SI: variants seen among roughly 807,000 people sequenced by gnomAD.
SI encodes the protein sucrase-isomaltase.
A neutral mutation model predicts 253.3 loss-of-function variants in SI; 235 were observed. The observed-to-expected ratio is 0.93, with a 90% CI of 0.83 to 1.03. SI has a LOEUF of 1.03. Ranked by LOEUF, SI falls within the 50% of genes least tolerant of loss-of-function variation. The pLI is 0.00. For synonymous variants in SI, 819 were observed against 712.0 expected (o/e 1.15, Z -2.39); for missense variants, 2,442 against 2,211.1 (o/e 1.10, Z -2.09).
chr3:164,989,605 A>G (rs889102713), intron 44 of SI, among the ~76,000 whole-genome samples: 1 of 152,078 alleles, frequency 6.6e-6, no homozygotes, highest in Admixed American at 6.6e-5. Context: ...TTCATGTACT[A>G]TAATGAGTCA....
chr3:165,031,741 GA>G (rs1370839756), intron 24 of SI, among the ~76,000 whole-genome samples: 2 of 150,716 alleles, frequency 1.3e-5, no homozygotes, highest in African/African-American at 4.8e-5. Flanking sequence ...TATAAATGGA[GA>G]AAAGATAAAT....
intron 10 of SI, 102 bp downstream of exon 10, chr3:165,059,800 T>C (rs950414785): frequency 7.9e-5 from 93 of 1,178,696 alleles, no homozygotes; most frequent in Middle Eastern, 2.2e-4. Flanking sequence ...AATTATATGA[T>C]ATAATGTATA....
intron 12 of SI, 73 bp downstream of exon 12, chr3:165,058,890 A>ACACT: frequency 8.0e-7 from 1 of 1,256,216 alleles, no homozygotes; most frequent in Non-Finnish European, 1.2e-6. Flanking sequence ...ACACACACGC[A>ACACT]CATCCACAGA....
Position 165,059,508 on chromosome 3 carries a change from A to C in SI, c.1147-209T>G, listed in dbSNP as rs939184893. Among the ~76,000 whole-genome samples the C allele has an allele frequency of 6.6e-5, 10 of 152,008 alleles. No homozygotes were observed. In the Admixed American group the frequency reaches 6.6e-4, roughly 10 times the overall value. On this transcript the variant is annotated intron_variant, in intron 10 of 47. Coordinates refer to ENST00000264382, the MANE Select transcript of SI (RefSeq NM_001041.4). The stretch of plus-strand genomic sequence containing the variant: ...GTACAAAAGCATTAAGTGATTATTC[A>C]TATTTGTCAGTGATAATGACTAGAA...
At chr3:165,086,557 T>C in the SI span, among the ~76,000 whole-genome samples, 3 of 152,196 alleles carry the variant, frequency 2.0e-5, no homozygotes, top group Admixed American at 2.0e-4. Flanking sequence ...AATGTCTAGA[T>C]TCTGCCTTCT....
At chr3:164,983,103 A>G (rs1159785823) in intron 45 of SI, 52 bp from the exon 46 acceptor site, 1 of 1,490,786 alleles carries the variant, frequency 6.7e-7, no homozygotes, top group Non-Finnish European at 9.2e-7. Context: ...AAGAAGAACC[A>G]TAGTAAATAC....
intron 33 of SI, among the ~76,000 whole-genome samples, chr3:165,014,666 A>C (rs970076216): frequency 2.0e-5 from 3 of 152,158 alleles, no homozygotes; most frequent in Admixed American, 6.5e-5. Flanking sequence ...GTAATATATT[A>C]ATATATCAGG....
At chr3:165,076,223 A>T (rs2108118506) in intron 1 of SI, among the ~76,000 whole-genome samples, 1 of 151,962 alleles carries the variant, frequency 6.6e-6, no homozygotes, top group Admixed American at 6.6e-5. Context: ...TATAAAATGT[A>T]AGCAACACAT....
chr3:165,017,981 C>A lies in SI; in HGVS notation c.3509G>T (p.Ser1170Ile). The A allele has an allele frequency of 6.2e-7, 1 of 1,607,786 alleles. No homozygotes were observed. The highest frequency in any genetic ancestry group is 8.5e-7 in the Non-Finnish European group (1 of 1,174,526). ...GNAHGVFLLN[S>I]NAMDVTFQPT... The stretch of plus-strand genomic sequence containing the variant: ...AATGATTGTTTTACCCATTGCATTG[C>A]TGTTGAGTAAGAAAACACCATGAGC... Residue 1170 changes from serine (S) to isoleucine (I), a missense_variant, in exon 29 of 48, where the codon AGC (serine) becomes ATC (isoleucine). Physicochemically the swap from Ser to Ile is moderately radical, Grantham distance 142. Transcript: ENST00000264382.
chr3:165,061,367 G>A (rs1576916880), intron 9 of SI, among the ~76,000 whole-genome samples: 1 of 151,880 alleles, frequency 6.6e-6, no homozygotes, highest in Non-Finnish European at 1.5e-5. Context: ...GGCCAGCCTA[G>A]AACTGTAATT....
rs776664017 is a variant in SI, at chr3:165,006,957, GGAAA to G, written c.4268-7_4268-4del. 1 of 1,598,494 alleles carries G rather than the reference GGAAA, an allele frequency of 6.3e-7. No homozygotes were observed. The highest frequency in any genetic ancestry group is 8.6e-7 in the Non-Finnish European group (1 of 1,168,086). ...TCCATCAGTTCTTTTTGTGAGTTCT[GGAAA>G]GAATCAATGAAAAAATATTAATATA... is the stretch of plus-strand genomic sequence containing the variant. On this transcript the variant is annotated splice_polypyrimidine_tract_variant and splice_region_variant and intron_variant, in intron 36 of 47. Transcript: ENST00000264382.
chr3:165,059,601 T>A (rs552960171), intron 10 of SI, among the ~76,000 whole-genome samples: 9 of 152,096 alleles, frequency 5.9e-5, no homozygotes, highest in Admixed American at 2.6e-4. Flanking sequence ...GAAAATTTTT[T>A]AAAAATATGT....
chr3:165,017,904 T>G, intron 29 of SI, 31 bp from the exon 30 acceptor site: 1 of 1,585,250 alleles, frequency 6.3e-7, no homozygotes, highest in Non-Finnish European at 8.7e-7. Flanking sequence ...CCCATTTTCA[T>G]CTATGTATAC....
At chr3:165,073,184 CTCTCTCTCTCTCTCTCTCTCTCTCT>C (rs1479372633) in intron 3 of SI, among the ~76,000 whole-genome samples, 3 of 4,774 alleles carry the variant, frequency 6.3e-4, no homozygotes, top group African/African-American at 9.8e-4. Context: ...CTCTCTCTCT[CTCTCTCTCTCTCTCTCTCTCTCTCT>C]CTCTCTCTCT....
At chr3:165,032,810 C>A (rs1712322250) in intron 23 of SI, 118 bp from the exon 24 acceptor site, 1 of 623,802 alleles carries the variant, frequency 1.6e-6, no homozygotes, top group Admixed American at 2.7e-5. Flanking sequence ...CCCACCAGCT[C>A]TCCTCATCCA....
chr3:165,041,427 T>C (rs1407233907), intron 17 of SI, among the ~76,000 whole-genome samples: 2 of 152,068 alleles, frequency 1.3e-5, no homozygotes, highest in East Asian at 1.9e-4. Context: ...TCATGGAATG[T>C]TGTAATCCCT....
intron 4 of SI, 71 bp from the exon 5 acceptor site, chr3:165,068,902 GTTA>G: frequency 9.0e-7 from 1 of 1,111,164 alleles, no homozygotes; most frequent in South Asian, 1.3e-5. Context: ...ATATATTTAT[GTTA>G]TTGTATTTAC....
At chr3:165,071,728 A>G (rs1714590400) in intron 3 of SI, among the ~76,000 whole-genome samples, 1 of 152,076 alleles carries the variant, frequency 6.6e-6, no homozygotes, top group Non-Finnish European at 1.5e-5. Flanking sequence ...AAGACAGCGA[A>G]GATCTCTTTC....
chr3:165,008,341 T>C (rs1718614955), intron 35 of SI, among the ~76,000 whole-genome samples: 1 of 151,992 alleles, frequency 6.6e-6, no homozygotes, highest in Non-Finnish European at 1.5e-5. Context: ...TGATATCAAT[T>C]GCTTTTATTG....
Sources: gnomAD v4.1 joint callset for allele counts (sites outside exome capture counted in the v4.1 genomes callset) on GRCh38, gnomAD v4.1.1 for gene constraint, MANE v1.5 for transcripts, NCBI Gene and HGNC (gene_info 2026-07-23, HGNC 2026-07-21) for gene names.